The following CADPS2 variants were observed in gnomAD, a reference collection of about 807,000 sequenced individuals.
CADPS2 encodes calcium-dependent secretion activator 2.
In CADPS2, 93 loss-of-function variants were observed where a neutral mutation model predicts 172.5. The observed-to-expected ratio is 0.54, with a 90% CI of 0.46 to 0.64. The LOEUF (loss-of-function observed/expected upper bound fraction) is 0.64. CADPS2 is among the 30% of genes least tolerant of loss of function. The probability of loss-of-function intolerance (pLI) is 0.00; values close to 1 mark genes in which losing one functional copy is unlikely to be tolerated. For synonymous variants in CADPS2, 546 were observed against 555.2 expected (o/e 0.98, Z 0.23); for missense variants, 1,420 against 1,565.9 (o/e 0.91, Z 1.57).
chr7:122,451,489 C>T lies in CADPS2; in HGVS notation c.2187-14G>A. 1 of 1,421,228 alleles carries T rather than the reference C, an allele frequency of 7.0e-7. No individual in the cohort carries two copies. Among genetic ancestry groups the T allele is most frequent in the Non-Finnish European group, 9.7e-7 (1 of 1,034,340 alleles). 88.0% of individuals were successfully genotyped at this position (1,421,228 alleles called of 1,614,324 possible). The stretch of plus-strand genomic sequence containing the variant: ...ATTCCATCAGGCCTGAAAAAAAAAT[C>T]AGAATCAATAATTCATATTGATCGA... On this transcript the variant is annotated splice_polypyrimidine_tract_variant and intron_variant, in intron 14 of 29. Coordinates refer to ENST00000449022, the MANE Select transcript of CADPS2 (RefSeq NM_017954.11).
chr7:122,831,327 G>T (rs17144969), intron 1 of CADPS2, among the ~76,000 whole-genome samples: 32,514 of 152,076 alleles, frequency 0.21, 3,717 homozygotes, highest in Middle Eastern at 0.31. Flanking sequence ...TCATTTGGGT[G>T]TTTTCGCTCA....
chr7:122,538,404 TAA>T (rs769070728), intron 8 of CADPS2, among the ~76,000 whole-genome samples: 5 of 135,256 alleles, frequency 3.7e-5, no homozygotes, highest in Admixed American at 7.5e-5. Context: ...TTAATTAGTT[TAA>T]AAAAAAAAAA....
chr7:122,857,868 G>A (rs1815748885), intron 1 of CADPS2, among the ~76,000 whole-genome samples: 1 of 151,916 alleles, frequency 6.6e-6, no homozygotes, highest in Non-Finnish European at 1.5e-5. Flanking sequence ...AGATATGTCT[G>A]GAGCTTCTTC....
intron 15 of CADPS2, among the ~76,000 whole-genome samples, chr7:122,447,996 T>C (rs1260358489): frequency 6.6e-6 from 1 of 152,126 alleles, no homozygotes; most frequent in Non-Finnish European, 1.5e-5. Flanking sequence ...TAGAAACTAT[T>C]GCTGGTATAG....
intron 1 of CADPS2, among the ~76,000 whole-genome samples, chr7:122,798,389 C>T (rs1796867195): frequency 6.6e-6 from 1 of 152,090 alleles, no homozygotes; most frequent in African/African-American, 2.4e-5. Flanking sequence ...CATCTAAAGT[C>T]TGAAGTATTA....
In CADPS2 at chr7:122,650,318, T is replaced by A. The variant is rs543785080; in HGVS notation, c.786+12919A>T. Among the ~76,000 whole-genome samples, 3 of 152,250 alleles carry A rather than the reference T, an allele frequency of 2.0e-5. No homozygotes were observed. The East Asian group carries it at 5.8e-4, about 29-fold the overall frequency. ...CCATGAAAAATAAAGATACAGTTGC[T>A]TATTATGCTTGAAACAGTACACCCA... On this transcript the variant is annotated intron_variant, in intron 3 of 29. Coordinates refer to ENST00000449022, the MANE Select transcript of CADPS2 (RefSeq NM_017954.11).
intron 28 of CADPS2, chr7:122,331,990 T>A (rs1161705453): frequency 7.9e-5 from 12 of 152,170 alleles, no homozygotes; most frequent in Admixed American, 7.9e-4. Context: ...AGGAAAAGTG[T>A]CATTAGCATT....
intron 7 of CADPS2, among the ~76,000 whole-genome samples, chr7:122,570,846 A>G (rs1437770037): frequency 3.9e-5 from 6 of 152,134 alleles, no homozygotes; most frequent in Admixed American, 2.0e-4. Flanking sequence ...GAACACATGG[A>G]CACAGGAAGG....
intron 25 of CADPS2, among the ~76,000 whole-genome samples, chr7:122,370,733 A>G (rs916259923): frequency 2.0e-5 from 3 of 152,140 alleles, no homozygotes; most frequent in Non-Finnish European, 2.9e-5. Context: ...TATCAGAAGA[A>G]AGCAAAAAAG....
At chr7:122,746,020 C>T (rs888319954) in intron 1 of CADPS2, among the ~76,000 whole-genome samples, 2 of 152,098 alleles carry the variant, frequency 1.3e-5, no homozygotes, top group Non-Finnish European at 2.9e-5. Flanking sequence ...AACCTCAGTG[C>T]CTCAAGTTCT....
intron 29 of CADPS2, among the ~76,000 whole-genome samples, chr7:122,323,121 G>A (rs2032959587): frequency 6.6e-6 from 1 of 152,072 alleles, no homozygotes; most frequent in Admixed American, 6.6e-5. Flanking sequence ...CTAAAAGTCT[G>A]TTTATATTCA....
chr7:122,399,453 T>C (rs2045600342), intron 20 of CADPS2, among the ~76,000 whole-genome samples: 1 of 152,120 alleles, frequency 6.6e-6, no homozygotes, highest in Non-Finnish European at 1.5e-5. Flanking sequence ...CAAAGATAAG[T>C]AAAGAAGTCT....
chr7:122,513,304 G>A lies in CADPS2; in HGVS notation c.1487C>T (p.Ala496Val), dbSNP rs867077451. Residue 496 changes from alanine to valine, a missense_variant, in exon 9 of 30, where the codon GCC becomes GTC. By Grantham distance (64) the Ala-to-Val change is moderately conservative. Coordinates refer to ENST00000449022, the MANE Select transcript of CADPS2 (RefSeq NM_017954.11). ...TCTTTTCCAAACCTTCTGTCCAAGG[G>A]CATACAGATATCTGGAAAGAAAAAC... ...AHMKHSGYLY[A>V]LGQKVWKRWK... is the part of the protein sequence containing the mutation. 2 of 1,558,816 alleles carry A rather than the reference G, an allele frequency of 1.3e-6. No individual in the cohort carries two copies. Among genetic ancestry groups the A allele is most frequent in the Admixed American group, 1.9e-5 (1 of 52,160 alleles).
rs1427669682 is a variant in CADPS2 at position 122,480,118 on chromosome 7, T to C, written c.1861+734A>G. ...GCACGTTACATTTTAAGTGAAAAAA[T>C]TGGTTACCAGCCTCTTCCCCACCCC... On this transcript the variant is annotated intron_variant, in intron 12 of 29. Coordinates refer to ENST00000449022, the MANE Select transcript of CADPS2 (RefSeq NM_017954.11). 6 of 471,342 alleles carry C rather than the reference T, an allele frequency of 1.3e-5. No individual in the cohort carries two copies. The East Asian group carries it at 3.5e-4, about 27-fold the overall frequency. 29.2% of individuals were successfully genotyped at this position (471,342 alleles called of 1,614,324 possible).
In CADPS2 at chr7:122,358,511, C is replaced by A. The variant is rs548102103; in HGVS notation, c.3504+2277G>T. Among the ~76,000 whole-genome samples, 38 of 151,906 alleles carry A rather than the reference C, an allele frequency of 2.5e-4. 1 individual carries two copies. The South Asian group carries it at 7.9e-3, about 32-fold the overall frequency. ...TTTCATGAATTATGTGGGGTTGTAT[C>A]TAAAAACTCATCACCAAATCCAAGG... On this transcript the variant is annotated intron_variant, in intron 27 of 29. Transcript: ENST00000449022.
intron 1 of CADPS2, among the ~76,000 whole-genome samples, chr7:122,863,809 C>T (rs1365987646): frequency 1.3e-5 from 2 of 152,144 alleles, no homozygotes; most frequent in East Asian, 3.9e-4. Flanking sequence ...GCATGCAGAT[C>T]ACCTGAGGTC....
intron 15 of CADPS2, among the ~76,000 whole-genome samples, chr7:122,449,222 C>T (rs1046161548): frequency 6.6e-6 from 1 of 151,884 alleles, no homozygotes; most frequent in African/African-American, 2.4e-5. Flanking sequence ...TGGGTCTCAA[C>T]GGTAGCAAAA....
chr7:122,833,967 T>C (rs964178037), intron 1 of CADPS2, among the ~76,000 whole-genome samples: 1 of 151,810 alleles, frequency 6.6e-6, no homozygotes, highest in African/African-American at 2.4e-5. Flanking sequence ...CCTGGAAAGG[T>C]TTTAGATGAG....
At chr7:122,507,804 G>A (rs1336692705) in intron 9 of CADPS2, among the ~76,000 whole-genome samples, 2 of 152,114 alleles carry the variant, frequency 1.3e-5, no homozygotes, top group African/African-American at 4.8e-5. Flanking sequence ...TGGTGGTGGA[G>A]AAGATGGAGA....
Sources: gnomAD v4.1 joint callset for allele counts (sites outside exome capture counted in the v4.1 genomes callset) on GRCh38, gnomAD v4.1.1 for gene constraint, MANE v1.5 for transcripts, NCBI Gene and HGNC (gene_info 2026-07-23, HGNC 2026-07-21) for gene names.